The following BCKDHB variants were observed in gnomAD, a reference collection of about 807,000 sequenced individuals.
The protein encoded by BCKDHB is branched chain keto acid dehydrogenase E1 subunit beta, also known as 2-oxoisovalerate dehydrogenase subunit beta, mitochondrial.
BCKDHB carries 41 observed loss-of-function variants against 48.5 expected under a neutral mutation model. The ratio of observed to expected loss-of-function variants is 0.85; its 90% confidence interval spans 0.66 to 1.10. The LOEUF (loss-of-function observed/expected upper bound fraction) is 1.10. Among genes scored for constraint, BCKDHB ranks in the 50% least tolerant of loss-of-function variants. BCKDHB has a pLI of 0.00. For missense variants in BCKDHB, 496 were observed against 494.2 expected, an observed-to-expected ratio of 1.00 and a Z score of -0.03; for synonymous variants, 201 against 174.8, an observed-to-expected ratio of 1.15 and a Z score of -1.18.
chr6:80,188,725 A>G (rs909731061), intron 6 of BCKDHB, among the ~76,000 whole-genome samples: 1 of 152,196 alleles, frequency 6.6e-6, no homozygotes, highest in African/African-American at 2.4e-5. Context: ...AATAATTTGT[A>G]TACCAAGCCC....
chr6:80,230,292 C>A (rs1775870703), intron 8 of BCKDHB, among the ~76,000 whole-genome samples: 1 of 151,858 alleles, frequency 6.6e-6, no homozygotes, highest in African/African-American at 2.4e-5. Context: ...CCCGCCTCGG[C>A]CTCCCAAAGT....
chr6:80,296,255 G>T (rs963052303), intron 9 of BCKDHB, among the ~76,000 whole-genome samples: 4 of 152,066 alleles, frequency 2.6e-5, no homozygotes, highest in Non-Finnish European at 5.9e-5. Context: ...TTTTGAAGAG[G>T]ATTAAAACAA....
chr6:80,146,166 A>C (rs1396444285), intron 3 of BCKDHB, among the ~76,000 whole-genome samples: 1 of 152,112 alleles, frequency 6.6e-6, no homozygotes, highest in Non-Finnish European at 1.5e-5. Flanking sequence ...TCCCCAAGTG[A>C]TTCAAATGTG....
intron 9 of BCKDHB, among the ~76,000 whole-genome samples, chr6:80,294,057 A>G (rs1304421883): frequency 6.6e-6 from 1 of 152,178 alleles, no homozygotes; most frequent in Non-Finnish European, 1.5e-5. Context: ...TGAGCCCTCC[A>G]AACTGTTCCA....
chr6:80,302,500 G>A (rs1767639241), intron 9 of BCKDHB, among the ~76,000 whole-genome samples: 1 of 152,090 alleles, frequency 6.6e-6, no homozygotes, highest in Non-Finnish European at 1.5e-5. Context: ...GTTTAGTTCT[G>A]TAATCATGAC....
chr6:80,339,601 T>C (rs566282969), intron 9 of BCKDHB, among the ~76,000 whole-genome samples: 65 of 152,344 alleles, frequency 4.3e-4, no homozygotes, highest in African/African-American at 1.5e-3. Context: ...CTTATTGGAA[T>C]CATTTAGTGT....
the BCKDHB span, among the ~76,000 whole-genome samples, chr6:80,372,778 C>T: frequency 6.6e-6 from 1 of 151,906 alleles, no homozygotes; most frequent in African/African-American, 2.4e-5. Context: ...TTAAACAATC[C>T]CTGCATCTCT....
chr6:80,168,633 G>A (rs1772709464), intron 4 of BCKDHB, among the ~76,000 whole-genome samples: 1 of 121,990 alleles, frequency 8.2e-6, no homozygotes, highest in Non-Finnish European at 1.7e-5. Flanking sequence ...GGGAGGGAGG[G>A]AGGGACGAGA....
chr6:80,149,814 T>G (rs535785088), intron 3 of BCKDHB, among the ~76,000 whole-genome samples: 1 of 118,978 alleles, frequency 8.4e-6, no homozygotes, highest in Non-Finnish European at 1.7e-5. Context: ...AACATTACAC[T>G]CTGGGGACTG....
intron 3 of BCKDHB, among the ~76,000 whole-genome samples, chr6:80,153,859 C>G (rs757025186): frequency 2.0e-5 from 3 of 152,160 alleles, no homozygotes; most frequent in Admixed American, 6.6e-5. Context: ...AGATTTAAAC[C>G]CATGTATCGT....
chr6:80,233,848 A>T (rs888590390), intron 8 of BCKDHB, among the ~76,000 whole-genome samples: 2 of 152,184 alleles, frequency 1.3e-5, no homozygotes, highest in Non-Finnish European at 2.9e-5. Context: ...AACATAAATA[A>T]AAATAGTCGT....
the BCKDHB span, among the ~76,000 whole-genome samples, chr6:80,375,563 AT>A: frequency 5.5e-4 from 78 of 140,940 alleles, no homozygotes; most frequent in African/African-American, 1.1e-3. Flanking sequence ...ATCCTGTATC[AT>A]TTTTTTTTTT....
chr6:80,202,770 G>A (rs989116412), intron 7 of BCKDHB, among the ~76,000 whole-genome samples: 1 of 123,136 alleles, frequency 8.1e-6, no homozygotes, highest in Non-Finnish European at 1.6e-5. Context: ...TTCCTTAAAT[G>A]TTGGTGATTT....
At chr6:80,342,469 C>G (rs1215366542) in intron 9 of BCKDHB, among the ~76,000 whole-genome samples, 2 of 144,916 alleles carry the variant, frequency 1.4e-5, no homozygotes, top group Admixed American at 7.4e-5. Context: ...ACCTGTAATC[C>G]TAGCAGTTTG....
the BCKDHB span, chr6:80,440,855 C>T: frequency 6.6e-6 from 1 of 152,100 alleles, no homozygotes; most frequent in East Asian, 1.9e-4. Flanking sequence ...TCGGAGTGGA[C>T]TCTTTGTTTG....
chr6:80,402,153 CAT>C, the BCKDHB span, among the ~76,000 whole-genome samples: 3 of 151,724 alleles, frequency 2.0e-5, no homozygotes, highest in Non-Finnish European at 4.4e-5. Context: ...ATTACTGAAT[CAT>C]ATAGTAGTTC....
intron 9 of BCKDHB, among the ~76,000 whole-genome samples, chr6:80,288,131 G>A (rs559093879): frequency 6.5e-4 from 99 of 151,398 alleles, no homozygotes; most frequent in African/African-American, 2.4e-3. Flanking sequence ...TTAGTATTAC[G>A]CACAAAATGA....
the BCKDHB span, among the ~76,000 whole-genome samples, chr6:80,422,511 A>G: frequency 6.6e-6 from 1 of 152,196 alleles, no homozygotes; most frequent in Non-Finnish European, 1.5e-5. Context: ...AGATACATTG[A>G]AAGCTTGCAC....
At chr6:80,316,029 C>G (rs1464418690) in intron 9 of BCKDHB, among the ~76,000 whole-genome samples, 4 of 152,140 alleles carry the variant, frequency 2.6e-5, no homozygotes, top group African/African-American at 9.7e-5. Context: ...AAATATCTTT[C>G]GGGGATCTTC....
Sources: gnomAD v4.1 joint callset for allele counts (sites outside exome capture counted in the v4.1 genomes callset) on GRCh38, gnomAD v4.1.1 for gene constraint, MANE v1.5 for transcripts, NCBI Gene and HGNC (gene_info 2026-07-23, HGNC 2026-07-21) for gene names.